ST3GAL3: variants seen among roughly 807,000 people sequenced by gnomAD.
The protein encoded by ST3GAL3 is ST3 beta-galactoside alpha-2,3-sialyltransferase 3, also known as CMP-N-acetylneuraminate-beta-1,4-galactoside alpha-2,3-sialyltransferase.
A neutral mutation model predicts 50.1 loss-of-function variants in ST3GAL3; 21 were observed. The observed-to-expected ratio is 0.42, with a 90% confidence interval of 0.30 to 0.60. The LOEUF (loss-of-function observed/expected upper bound fraction) is 0.60. Among genes scored for constraint, ST3GAL3 ranks in the 20% least tolerant of loss-of-function variants. ST3GAL3 has a pLI of 0.19. For missense variants in ST3GAL3, 353 were observed against 489.4 expected (o/e 0.72, Z 2.63); for synonymous variants, 183 against 190.0 (o/e 0.96, Z 0.30).
chr1:43,734,786 G>A (rs1238526745), intron 1 of ST3GAL3, among the ~76,000 whole-genome samples: 1 of 151,796 alleles, frequency 6.6e-6, no homozygotes, highest in Non-Finnish European at 1.5e-5. Context: ...ATAATGTTTT[G>A]TCACACCATT....
chr1:43,822,842 C>T (rs1307072956), intron 4 of ST3GAL3, among the ~76,000 whole-genome samples: 2 of 152,156 alleles, frequency 1.3e-5, no homozygotes, highest in Admixed American at 1.3e-4. Flanking sequence ...CCAATTGCTT[C>T]CTTCATTTGG....
At chr1:43,751,621 A>C (rs1338822762) in intron 2 of ST3GAL3, among the ~76,000 whole-genome samples, 1 of 152,220 alleles carries the variant, frequency 6.6e-6, no homozygotes, top group Non-Finnish European at 1.5e-5. Flanking sequence ...ACTCAAATGC[A>C]TATGTATACA....
At chr1:43,785,292 C>A (rs2057161260) in intron 2 of ST3GAL3, among the ~76,000 whole-genome samples, 1 of 152,198 alleles carries the variant, frequency 6.6e-6, no homozygotes, top group African/African-American at 2.4e-5. Context: ...CCAAGTGGAG[C>A]CTCTGCTTCT....
At chr1:43,790,589 A>G (rs1020030504) in intron 2 of ST3GAL3, among the ~76,000 whole-genome samples, 1 of 151,204 alleles carries the variant, frequency 6.6e-6, no homozygotes, top group East Asian at 1.9e-4. Context: ...GCTGCTTAGT[A>G]TAGAAATGTA....
intron 5 of ST3GAL3, among the ~76,000 whole-genome samples, chr1:43,863,193 CAAGTT>C (rs973032278): frequency 6.6e-6 from 1 of 152,156 alleles, no homozygotes; most frequent in African/African-American, 2.4e-5. Context: ...ACATTCAAGT[CAAGTT>C]GAGAGTGAGA....
chr1:43,879,034 A>G (rs2074615629), intron 5 of ST3GAL3: 1 of 456,174 alleles, frequency 2.2e-6, no homozygotes, highest in South Asian at 1.5e-5. Context: ...CAGAGAAAAC[A>G]AGAGAAGATG....
chr1:43,765,810 T>TGCGCGCGCGCGCGCGCGTCCGCGCAC (rs1692666626), intron 2 of ST3GAL3, among the ~76,000 whole-genome samples: 1 of 146,476 alleles, frequency 6.8e-6, no homozygotes, highest in Non-Finnish European at 1.5e-5. Context: ...CGTCCGCGCG[T>TGCGCGCGCGCGCGCGCGTCCGCGCAC]CCGCGTGCGC....
chr1:43,820,905 G>A (rs1461523237), intron 4 of ST3GAL3, among the ~76,000 whole-genome samples: 4 of 152,142 alleles, frequency 2.6e-5, no homozygotes, highest in Non-Finnish European at 5.9e-5. Context: ...CAGTTAAAGT[G>A]GTGACAATAG....
At chr1:43,847,439 T>C (rs979453943) in intron 5 of ST3GAL3, among the ~76,000 whole-genome samples, 1 of 152,212 alleles carries the variant, frequency 6.6e-6, no homozygotes, top group Non-Finnish European at 1.5e-5. Context: ...AGCAGTGGAA[T>C]GTTACTCAGC....
chr1:43,747,598 G>C (rs1439529248), intron 2 of ST3GAL3, among the ~76,000 whole-genome samples: 3 of 121,094 alleles, frequency 2.5e-5, no homozygotes, highest in East Asian at 4.9e-4. Flanking sequence ...ATGGAGTCTC[G>C]CTCTGTTGCC....
At chr1:43,734,575 T>C (rs1677531522) in intron 1 of ST3GAL3, among the ~76,000 whole-genome samples, 1 of 152,130 alleles carries the variant, frequency 6.6e-6, no homozygotes, top group Admixed American at 6.5e-5. Context: ...CTACCAAAGT[T>C]CTGGGATTAT....
chr1:43,917,456 TA>T (rs1557532213), intron 9 of ST3GAL3, among the ~76,000 whole-genome samples: 3 of 23,708 alleles, frequency 1.3e-4, no homozygotes, highest in East Asian at 1.3e-3. Flanking sequence ...ATATAATATA[TA>T]ATATATATAA....
At chr1:43,905,458 G>C (rs371668599) in intron 9 of ST3GAL3, among the ~76,000 whole-genome samples, 269 of 31,356 alleles carry the variant, frequency 8.6e-3, no homozygotes, top group Middle Eastern at 0.028. Flanking sequence ...TCCCACCACT[G>C]TTCCTCCCCC....
chr1:43,874,553 T>C (rs2073699943), intron 5 of ST3GAL3, among the ~76,000 whole-genome samples: 1 of 152,190 alleles, frequency 6.6e-6, no homozygotes, highest in African/African-American at 2.4e-5. Flanking sequence ...TTAATATGGA[T>C]AAACAACGTA....
chr1:43,783,444 C>G (rs1699995614), intron 2 of ST3GAL3, among the ~76,000 whole-genome samples: 1 of 152,186 alleles, frequency 6.6e-6, no homozygotes, highest in Non-Finnish European at 1.5e-5. Flanking sequence ...CCCATCTTGT[C>G]TCTGATTGGG....
At chr1:43,908,952 G>A (rs546546488) in intron 9 of ST3GAL3, among the ~76,000 whole-genome samples, 2 of 152,174 alleles carry the variant, frequency 1.3e-5, no homozygotes, top group East Asian at 1.9e-4. Context: ...TTTAGCACCC[G>A]CCATGTACTC....
chr1:43,861,058 C>T (rs1214016291), intron 5 of ST3GAL3, among the ~76,000 whole-genome samples: 2 of 152,186 alleles, frequency 1.3e-5, no homozygotes, highest in Non-Finnish European at 2.9e-5. Context: ...CACAGCATCT[C>T]CTTCATGCTT....
intron 1 of ST3GAL3, among the ~76,000 whole-genome samples, chr1:43,721,494 G>A (rs1670443900): frequency 6.6e-6 from 1 of 151,738 alleles, no homozygotes; most frequent in African/African-American, 2.4e-5. Context: ...AGTAGAGACG[G>A]GGTTTCTCTG....
chr1:43,851,076 A>G, intron 5 of ST3GAL3: 2 of 860,268 alleles, frequency 2.3e-6, no homozygotes, highest in Non-Finnish European at 2.0e-6. Flanking sequence ...GATACACCCC[A>G]TTCTCATCTG....
Sources: allele counts gnomAD v4.1 joint callset (sites outside exome capture counted in the v4.1 genomes callset), GRCh38; gene constraint gnomAD v4.1.1; transcripts MANE v1.5; gene names NCBI Gene and HGNC (gene_info 2026-07-23, HGNC 2026-07-21).